Variants in TCFL5 observed in about 807,000 individuals in gnomAD.
TCFL5 encodes the protein transcription factor like 5, also known as transcription factor-like 5 protein.
TCFL5 carries 9 observed loss-of-function variants against 44.3 expected under a neutral mutation model. The ratio of observed to expected loss-of-function variants is 0.20; its 90% CI spans 0.12 to 0.35. TCFL5 has a LOEUF of 0.35. Ranked by LOEUF, TCFL5 falls within the 10% of genes least tolerant of loss-of-function variation. The pLI is 1.00. For synonymous variants in TCFL5, 319 were observed against 271.6 expected, an observed-to-expected ratio of 1.17 and a Z score of -1.72; for missense variants, 603 against 613.4, an observed-to-expected ratio of 0.98 and a Z score of 0.18.
intron 1 of TCFL5, 70 bp from the exon 2 acceptor site, chr20:62,860,378 C>A (rs1600864974): frequency 6.9e-7 from 1 of 1,451,238 alleles, no homozygotes; most frequent in East Asian, 2.3e-5. Context: ...ATCCCACTCC[C>A]ATGGCTCTGG....
intron 3 of TCFL5, among the ~76,000 whole-genome samples, chr20:62,857,960 A>T (rs963854836): frequency 1.3e-5 from 2 of 152,128 alleles, no homozygotes; most frequent in Non-Finnish European, 2.9e-5. Flanking sequence ...AGAAAACAAG[A>T]AGTTGTTTAC....
chr20:62,844,170 A>T (rs2063709676), intron 5 of TCFL5, among the ~76,000 whole-genome samples: 1 of 152,088 alleles, frequency 6.6e-6, no homozygotes, highest in East Asian at 1.9e-4. Flanking sequence ...TGGCTGCACC[A>T]TTTCACACCC....
intron 5 of TCFL5, chr20:62,845,668 C>A (rs757469859): frequency 6.2e-7 from 1 of 1,606,478 alleles, no homozygotes; most frequent in Non-Finnish European, 8.5e-7. Flanking sequence ...CTGACCATGG[C>A]AGTATTTCAT....
At chr20:62,860,462 TG>T (rs2063977473) in intron 1 of TCFL5, among the ~76,000 whole-genome samples, 154 bp from the exon 2 acceptor site, 1 of 152,252 alleles carries the variant, frequency 6.6e-6, no homozygotes, top group African/African-American at 2.4e-5. Flanking sequence ...ATCGCTGCTG[TG>T]GAAGTCCTCC....
intron 5 of TCFL5, among the ~76,000 whole-genome samples, chr20:62,846,609 AAC>A (rs1352236276): frequency 3.9e-5 from 6 of 152,076 alleles, no homozygotes; most frequent in African/African-American, 1.4e-4. Flanking sequence ...TGAGAAGAAT[AAC>A]AACAAGACGG....
chr20:62,844,291 C>T (rs1424746479), intron 5 of TCFL5, among the ~76,000 whole-genome samples: 2 of 152,224 alleles, frequency 1.3e-5, no homozygotes, highest in East Asian at 1.9e-4. Context: ...AAAGTAGTAT[C>T]TCATTGGGTC....
chr20:62,845,748 G>A lies in TCFL5; in HGVS notation c.1381-3651C>T, dbSNP rs534617388. The A allele has an allele frequency of 7.5e-6, 12 of 1,606,468 alleles. No homozygotes were observed. In the East Asian group the frequency reaches 9.0e-5, roughly 12 times the overall value. On this transcript the variant is annotated intron_variant, in intron 5 of 5. Transcript: ENST00000335351. ...GACATATTTCTGTCCCTGCCCATGCGGAGATAACTTCTCCATCACCAAGGA... is the reference window on the plus strand; with the variant it reads ...GACATATTTCTGTCCCTGCCCATGCAGAGATAACTTCTCCATCACCAAGGA...
At chr20:62,852,549 C>A (rs1056859622) in intron 5 of TCFL5, 9 of 985,376 alleles carry the variant, frequency 9.1e-6, no homozygotes, top group Middle Eastern at 5.2e-4. Flanking sequence ...CTGCCACGAC[C>A]ACACAGACAG....
intron 4 of TCFL5, among the ~76,000 whole-genome samples, chr20:62,855,009 C>T (rs565841669): frequency 1.5e-4 from 23 of 152,270 alleles, no homozygotes; most frequent in African/African-American, 4.8e-4. Context: ...TGTCAACGTA[C>T]GGTGTAAGGC....
At position 62,860,156 on chromosome 20, in the gene TCFL5, G is replaced by C. The variant is rs759474964; in HGVS notation, c.800C>G (p.Thr267Ser). 1.9e-6 allele frequency: 3 copies of C among 1,612,302 alleles called. No individual in the cohort carries two copies. Among genetic ancestry groups the C allele is most frequent in the African/African-American group, 2.7e-5 (2 of 74,916 alleles). The change falls in exon 2 of 6, where the codon ACT becomes AGT. Residue 267 changes from threonine (T) to serine (S), a missense_variant. This residue lies in a region of TCFL5 where 540 missense variants were observed against 478.7 expected (regional missense o/e 1.13). Transcript: ENST00000335351. ...CTGTGAAAGATTAGAATTTCCACTA[G>C]TAGAGCAAGCATTTGTAGTAAACAG... is the stretch of plus-strand genomic sequence containing the variant. ...YPLFTTNACS[T>S]SGNSNLSQTQ...
intron 5 of TCFL5, chr20:62,846,179 A>C: frequency 9.1e-7 from 1 of 1,098,984 alleles, no homozygotes; most frequent in African/African-American, 1.7e-5. Context: ...TTAAAAAAAA[A>C]GAAGGAAGGA....
At chr20:62,850,479 C>T (rs931730304) in intron 5 of TCFL5, among the ~76,000 whole-genome samples, 1 of 152,052 alleles carries the variant, frequency 6.6e-6, no homozygotes. Context: ...CCCATCACAA[C>T]CCCCAACTGG....
At chr20:62,852,830 A>G (rs1220461822) in intron 5 of TCFL5, 2 of 1,289,352 alleles carry the variant, frequency 1.6e-6, no homozygotes, top group Non-Finnish European at 1.0e-6. Flanking sequence ...CCACAAAGGT[A>G]TAGTCAACCA....
Position 62,857,496 on chromosome 20 carries a change from C to A in TCFL5, c.1137G>T (p.Ser379=). The change falls in exon 4 of 6, where the codon TCG becomes TCT. Residue 379 remains serine (S), a synonymous_variant. Coordinates refer to ENST00000335351, the MANE Select transcript of TCFL5 (RefSeq NM_006602.4). The stretch of plus-strand genomic sequence containing the variant: ...CCCCCAGGTTTGCCTGTGAGGACTC[C>A]GAGGACTGCCAAGCGCCTTGTGTGG... ...ATATQGAWQS[S]ESSQANLGEQ... The A allele has an allele frequency of 6.2e-7, 1 of 1,614,226 alleles. No individual in the cohort carries two copies. The highest frequency in any genetic ancestry group is 8.5e-7 in the Non-Finnish European group (1 of 1,180,044).
At chr20:62,850,744 C>T (rs929377772) in intron 5 of TCFL5, among the ~76,000 whole-genome samples, 2 of 152,224 alleles carry the variant, frequency 1.3e-5, no homozygotes, top group Non-Finnish European at 1.5e-5. Flanking sequence ...CAGCCTGCCC[C>T]GGTGCCCTGC....
Position 62,861,362 on chromosome 20 carries a change from C to T in TCFL5, c.309G>A (p.Ala103=), listed in dbSNP as rs1294581081. The change falls in exon 1 of 6, where the codon GCG becomes GCA. Residue 103 remains alanine (A), a synonymous_variant. Coordinates refer to ENST00000335351, the MANE Select transcript of TCFL5 (RefSeq NM_006602.4). This position sits in a 1 kb window ranked among gnomAD's most constrained non-coding sequence, Gnocchi z 4.0. ...GFAAGGQGGA[A]PVYPVLCPSA... ...ACGGGCACAGCACGGGGTACACGGG[C>T]GCCGCGCCCCCCTGACCGCCCGCCG... The T allele has an allele frequency of 3.8e-6, 4 of 1,065,776 alleles. No homozygotes were observed. Among genetic ancestry groups the T allele is most frequent in the Middle Eastern group, 4.2e-4 (1 of 2,396 alleles). The allele number at this position is 1,065,776 out of a possible 1,614,324, so 66.0% of individuals were successfully genotyped here.
intron 5 of TCFL5, among the ~76,000 whole-genome samples, chr20:62,846,951 G>A (rs1480813378): frequency 2.0e-5 from 3 of 152,042 alleles, no homozygotes; most frequent in Admixed American, 6.6e-5. Context: ...TTGGGAGGCC[G>A]AGGTGGGTGG....
chr20:62,853,981 TA>T, intron 5 of TCFL5, 34 bp downstream of exon 5: 1 of 1,605,866 alleles, frequency 6.2e-7, no homozygotes, highest in Non-Finnish European at 8.5e-7. Context: ...GTAAAATTTG[TA>T]AAATTCTGAA....
intron 5 of TCFL5, chr20:62,845,481 A>G: frequency 7.2e-6 from 10 of 1,384,050 alleles, no homozygotes; most frequent in Middle Eastern, 2.5e-4. Flanking sequence ...CATTTTGATA[A>G]TTTCCTATAT....
Sources: allele counts gnomAD v4.1 joint callset (sites outside exome capture counted in the v4.1 genomes callset), GRCh38; gene constraint gnomAD v4.1.1; regional missense constraint gnomAD v4.1.1; non-coding constraint Gnocchi (gnomAD v3.1); transcripts MANE v1.5; gene names NCBI Gene and HGNC (gene_info 2026-07-23, HGNC 2026-07-21).